Variants in DENND2B observed in about 807,000 individuals in gnomAD.
DENND2B encodes the protein DENN domain-containing protein 2B.
DENND2B carries 32 observed loss-of-function variants against 116.0 expected under a neutral mutation model. The ratio of observed to expected loss-of-function variants is 0.28; its 90% CI spans 0.21 to 0.37. DENND2B has a LOEUF of 0.37. DENND2B is among the 10% of genes least tolerant of loss of function. The pLI is 1.00. For missense variants in DENND2B, 1,276 were observed against 1,477.7 expected (o/e 0.86, Z 2.24); for synonymous variants, 588 against 583.9 (o/e 1.01, Z -0.10).
At chr11:8,826,377 T>C (rs1348377162) in intron 4 of DENND2B, among the ~76,000 whole-genome samples, 1 of 152,226 alleles carries the variant, frequency 6.6e-6, no homozygotes. Context: ...TGAATTCTTG[T>C]GGATCTTTAA....
chr11:8,845,949 C>T (rs748762222), intron 3 of DENND2B, among the ~76,000 whole-genome samples: 14 of 152,144 alleles, frequency 9.2e-5, no homozygotes, highest in Non-Finnish European at 1.5e-4. Flanking sequence ...CAAAAATACA[C>T]GGTTTCTCTT....
At chr11:8,881,401 G>A (rs1304327915) in intron 1 of DENND2B, among the ~76,000 whole-genome samples, 1 of 152,010 alleles carries the variant, frequency 6.6e-6, no homozygotes, top group African/African-American at 2.4e-5. Flanking sequence ...CTCTTTGGTT[G>A]ATCTCCTAAT....
At chr11:8,846,252 A>C (rs919434819) in intron 3 of DENND2B, among the ~76,000 whole-genome samples, 14 of 152,248 alleles carry the variant, frequency 9.2e-5, no homozygotes, top group African/African-American at 3.4e-4. Context: ...TAAGAGAACA[A>C]GTAGCAAGGA....
At chr11:8,826,614 G>C (rs2061986683) in intron 4 of DENND2B, among the ~76,000 whole-genome samples, 2 of 152,114 alleles carry the variant, frequency 1.3e-5, no homozygotes. Context: ...TCTTATCCTA[G>C]GAACATGGAA....
intron 1 of DENND2B, among the ~76,000 whole-genome samples, chr11:8,908,073 T>G (rs1415897300): frequency 6.6e-6 from 1 of 152,230 alleles, no homozygotes; most frequent in Non-Finnish European, 1.5e-5. Context: ...AAATGGCTAC[T>G]GAACACCCGC....
In DENND2B at chr11:8,712,458, C is replaced by A; in HGVS notation, c.2172+93G>T. ...GTGGCAGCTCGGTGAGGACGTATGA[C>A]GAACAAGATCTCTCTCCTTCCCCAG... On this transcript the variant is annotated intron_variant, in intron 9 of 19. Transcript: ENST00000313726. The surrounding 1 kb of genome is among the most constrained non-coding windows in gnomAD (Gnocchi z 4.4). 1.4e-6 allele frequency: 2 copies of A among 1,380,058 alleles called. No homozygotes were observed. Among genetic ancestry groups the A allele is most frequent in the Non-Finnish European group, 2.0e-6 (2 of 1,023,624 alleles). The allele number at this position is 1,380,058 out of a possible 1,614,324, so 85.5% of individuals were successfully genotyped here. A position where few individuals can be genotyped will look rare whatever the true frequency, so the allele number is the denominator to read the frequency against.
At chr11:8,747,347 C>T (rs2051445911) in intron 2 of DENND2B, among the ~76,000 whole-genome samples, 1 of 152,176 alleles carries the variant, frequency 6.6e-6, no homozygotes, top group South Asian at 2.1e-4. Flanking sequence ...AGTGAAGAAG[C>T]TGTGGAGGAA....
chr11:8,711,025 G>C, intron 10 of DENND2B, 97 bp downstream of exon 10: 1 of 1,555,190 alleles, frequency 6.4e-7, no homozygotes, highest in Non-Finnish European at 8.9e-7. Context: ...GTTGCTGTAG[G>C]AGAGGATGAG....
intron 1 of DENND2B, among the ~76,000 whole-genome samples, chr11:8,789,037 G>A (rs2059152636): frequency 2.0e-5 from 3 of 152,072 alleles, no homozygotes; most frequent in Non-Finnish European, 2.9e-5. Context: ...CCATTCCTTT[G>A]TAAGCACACC....
chr11:8,806,296 C>T (rs1037753155), intron 1 of DENND2B, among the ~76,000 whole-genome samples: 2 of 152,152 alleles, frequency 1.3e-5, no homozygotes, highest in Admixed American at 1.3e-4. Context: ...TTGGTGATGA[C>T]AGGTCACACA....
intron 3 of DENND2B, among the ~76,000 whole-genome samples, chr11:8,841,673 G>C (rs2062628039): frequency 6.6e-6 from 1 of 152,134 alleles, no homozygotes; most frequent in African/African-American, 2.4e-5. Context: ...AACGTGTTTT[G>C]TAAAATCCCA....
chr11:8,894,072 A>T (rs903473853), intron 1 of DENND2B, among the ~76,000 whole-genome samples: 1 of 152,228 alleles, frequency 6.6e-6, no homozygotes, highest in Non-Finnish European at 1.5e-5. Flanking sequence ...GGAACAGAAC[A>T]GAGCCCTCAG....
intron 1 of DENND2B, among the ~76,000 whole-genome samples, chr11:8,759,422 T>C (rs535285392): frequency 6.6e-6 from 1 of 152,214 alleles, no homozygotes; most frequent in South Asian, 2.1e-4. Context: ...ACGTAAACAT[T>C]GCCCAGCACT....
rs534332967 is a variant in DENND2B, at chr11:8,846,418, C to T, written c.-155-7068G>A. 1.4e-4 allele frequency among the ~76,000 whole-genome samples: 21 copies of T among 152,250 alleles called. No individual in the cohort carries two copies. The South Asian group carries it at 3.7e-3, about 27-fold the overall frequency. ...AAGACAAGTGGAGGACAGTATCATC[C>T]GAACCAAAGCAGCGCCCAGGCTGAA... On this transcript the variant is annotated intron_variant, in intron 3 of 6. Transcript: ENST00000524757.
At chr11:8,701,988 C>T (rs2041785013) in intron 14 of DENND2B, among the ~76,000 whole-genome samples, 1 of 152,150 alleles carries the variant, frequency 6.6e-6, no homozygotes. Context: ...GGCCAGCCTT[C>T]CTCACCCACT....
intron 4 of DENND2B, among the ~76,000 whole-genome samples, chr11:8,723,833 C>A (rs1289269331): frequency 1.3e-5 from 2 of 152,244 alleles, no homozygotes; most frequent in Non-Finnish European, 2.9e-5. Context: ...AGTCTTCCTG[C>A]TGTGACCCAG....
chr11:8,736,855 A>G (rs1405325207), intron 2 of DENND2B, among the ~76,000 whole-genome samples: 1 of 152,232 alleles, frequency 6.6e-6, no homozygotes, highest in Non-Finnish European at 1.5e-5. Flanking sequence ...TACACTCTCA[A>G]GAGAAGGAAG....
chr11:8,903,221 A>G (rs539910207), intron 1 of DENND2B, among the ~76,000 whole-genome samples: 84 of 152,138 alleles, frequency 5.5e-4, no homozygotes, highest in African/African-American at 1.9e-3. Flanking sequence ...ACTCCAGCAT[A>G]GGCCAACATG....
At chr11:8,867,260 T>C (rs1340216034) in intron 2 of DENND2B, among the ~76,000 whole-genome samples, 2 of 152,302 alleles carry the variant, frequency 1.3e-5, no homozygotes, top group African/African-American at 2.4e-5. Context: ...CTGAGCCCAT[T>C]ATCTGCCGAG....
Sources: allele counts gnomAD v4.1 joint callset (sites outside exome capture counted in the v4.1 genomes callset), GRCh38; gene constraint gnomAD v4.1.1; non-coding constraint Gnocchi (gnomAD v3.1); transcripts MANE v1.5; gene names NCBI Gene and HGNC (gene_info 2026-07-23, HGNC 2026-07-21).